DCC: variants seen among roughly 807,000 people sequenced by gnomAD.
The protein encoded by DCC is DCC netrin 1 receptor.
DCC carries 58 observed loss-of-function variants against 172.5 expected under a neutral mutation model. The ratio of observed to expected loss-of-function variants is 0.34; its 90% CI spans 0.27 to 0.42. The LOEUF (loss-of-function observed/expected upper bound fraction) is 0.42, where lower values mean the gene tolerates loss of function less well. Among genes scored for constraint, DCC ranks in the 10% least tolerant of loss-of-function variants. DCC has a pLI of 1.00. For missense variants in DCC, 1,740 were observed against 1,791.0 expected, an observed-to-expected ratio of 0.97 and a Z score of 0.51; for synonymous variants, 709 against 644.5, an observed-to-expected ratio of 1.10 and a Z score of -1.52.
chr18:52,496,676 C>T (rs765791125), intron 1 of DCC, among the ~76,000 whole-genome samples: 1 of 151,986 alleles, frequency 6.6e-6, no homozygotes, highest in African/African-American at 2.4e-5. Context: ...GGAGGGAAGA[C>T]ATGCATATGA....
intron 12 of DCC, among the ~76,000 whole-genome samples, chr18:53,230,218 A>G (rs915481447): frequency 3.9e-5 from 6 of 152,238 alleles, no homozygotes; most frequent in Admixed American, 2.6e-4. Context: ...AATTATAGAC[A>G]TTTATCCTGC....
intron 1 of DCC, among the ~76,000 whole-genome samples, chr18:52,613,728 G>T (rs1000862186): frequency 1.3e-5 from 2 of 151,968 alleles, no homozygotes; most frequent in Middle Eastern, 3.2e-3. Flanking sequence ...TCTCTCTTCC[G>T]CATAGGAACC....
chr18:52,750,828 A>G (rs1231691644), intron 1 of DCC, among the ~76,000 whole-genome samples: 2 of 152,332 alleles, frequency 1.3e-5, no homozygotes, highest in East Asian at 3.9e-4. Flanking sequence ...ATGATTTTAC[A>G]AAGTACAACG....
chr18:52,604,913 A>G (rs17681706), intron 1 of DCC, among the ~76,000 whole-genome samples: 12,113 of 152,194 alleles, frequency 0.08, 604 homozygotes, highest in South Asian at 0.17. Flanking sequence ...GGTATGCTTC[A>G]AAGTGATTAG....
chr18:52,373,640 G>A (rs2144304655), intron 1 of DCC, among the ~76,000 whole-genome samples: 1 of 152,206 alleles, frequency 6.6e-6, no homozygotes, highest in East Asian at 1.9e-4. Flanking sequence ...ACATGTGAAG[G>A]TTAGAGCTCT....
Position 52,486,363 on chromosome 18 carries a change from T to C in DCC, c.91+145485T>C, listed in dbSNP as rs370892149. 1.6e-4 allele frequency among the ~76,000 whole-genome samples: 24 copies of C among 152,198 alleles called. 2 individuals carry two copies. The East Asian group carries it at 3.3e-3, about 21-fold the overall frequency. ...GTTTACTGACCAGCCATTTGAGTAG[T>C]AGGGATAGAGTTCAGGGATATAGAT... On this transcript the variant is annotated intron_variant, in intron 1 of 28. Coordinates refer to ENST00000442544, the MANE Select transcript of DCC (RefSeq NM_005215.4).
At chr18:53,473,520 A>G (rs1223822648) in intron 25 of DCC, among the ~76,000 whole-genome samples, 1 of 152,216 alleles carries the variant, frequency 6.6e-6, no homozygotes, top group Non-Finnish European at 1.5e-5. Flanking sequence ...TTAAACAGAA[A>G]AGGAAATAAG....
chr18:52,478,517 G>T (rs539008804), intron 1 of DCC, among the ~76,000 whole-genome samples: 1 of 152,276 alleles, frequency 6.6e-6, no homozygotes, highest in South Asian at 2.1e-4. Flanking sequence ...TTCTGTCATT[G>T]CTATAAAGAA....
rs776826523 is a variant in DCC, at chr18:53,339,767, G to A, written c.2219G>A (p.Cys740Tyr). 6.2e-7 allele frequency: 1 copy of A among 1,613,918 alleles called. No homozygotes were observed. The highest frequency in any genetic ancestry group is 8.5e-7 in the Non-Finnish European group (1 of 1,179,906). Residue 740 changes from cysteine (C) to tyrosine (Y), a missense_variant, in exon 15 of 29, where the codon TGC (cysteine) becomes TAC (tyrosine). Cys to Tyr is a radical substitution (Grantham distance 194, BLOSUM62 -2). Coordinates refer to ENST00000442544, the MANE Select transcript of DCC (RefSeq NM_005215.4). ...CTTCATGTGAGGCCCCAGACTAACT[G>A]CATCATCATGAGTTGGACTCCTCCC... ...SSLHVRPQTN[C>Y]IIMSWTPPLN... is the part of the protein sequence containing the mutation.
At chr18:52,731,245 A>G (rs1489335837) in intron 1 of DCC, among the ~76,000 whole-genome samples, 4 of 152,232 alleles carry the variant, frequency 2.6e-5, no homozygotes, top group African/African-American at 9.6e-5. Flanking sequence ...CAAATGTGAG[A>G]GTATGTGTTT....
At chr18:53,303,046 T>C (rs1372193396) in intron 12 of DCC, among the ~76,000 whole-genome samples, 1 of 152,198 alleles carries the variant, frequency 6.6e-6, no homozygotes, top group African/African-American at 2.4e-5. Flanking sequence ...GGGGTCATTT[T>C]ATCATTTTTG....
chr18:52,865,229 C>T (rs1027111463), intron 2 of DCC, among the ~76,000 whole-genome samples: 19 of 152,092 alleles, frequency 1.2e-4, no homozygotes, highest in Non-Finnish European at 2.6e-4. Flanking sequence ...TTTCTTTATC[C>T]AGTCTATCAT....
chr18:52,842,779 T>C (rs567747101), intron 2 of DCC, among the ~76,000 whole-genome samples: 6 of 152,166 alleles, frequency 3.9e-5, no homozygotes, highest in Non-Finnish European at 8.8e-5. Context: ...TAATAAGTTA[T>C]TTGAACAAAA....
At chr18:53,439,365 G>A (rs142388982) in intron 22 of DCC, among the ~76,000 whole-genome samples, 27 of 152,192 alleles carry the variant, frequency 1.8e-4, no homozygotes, top group African/African-American at 6.0e-4. Flanking sequence ...TTATAAAGTG[G>A]GCTACATCAA....
chr18:52,673,116 C>T (rs2035583422), intron 1 of DCC, among the ~76,000 whole-genome samples: 2 of 152,184 alleles, frequency 1.3e-5, no homozygotes, highest in South Asian at 4.1e-4. Flanking sequence ...TATCTAGAGA[C>T]ATAATAAACT....
intron 20 of DCC, among the ~76,000 whole-genome samples, chr18:53,414,380 GT>G (rs1454222903): frequency 6.6e-6 from 1 of 152,128 alleles, no homozygotes; most frequent in Non-Finnish European, 1.5e-5. Flanking sequence ...AATAAAATGG[GT>G]GGGAGGAAAC....
At chr18:53,351,336 T>TATATATATATACTGTATATATATATACA (rs2057796884) in intron 15 of DCC, among the ~76,000 whole-genome samples, 4 of 9,130 alleles carry the variant, frequency 4.4e-4, no homozygotes, top group African/African-American at 7.0e-4. Context: ...ATATATACAG[T>TATATATATATACTGTATATATATATACA]GTATATATAT....
At chr18:52,465,645 A>G (rs78173837) in intron 1 of DCC, among the ~76,000 whole-genome samples, 9,385 of 152,142 alleles carry the variant, frequency 0.062, 361 homozygotes, top group East Asian at 0.095. Flanking sequence ...AAGTCATTCA[A>G]TTCAGTCCTA....
intron 5 of DCC, among the ~76,000 whole-genome samples, chr18:52,962,849 G>A (rs531514523): frequency 0.013 from 2,003 of 150,242 alleles, 56 homozygotes; most frequent in African/African-American, 0.047. Flanking sequence ...GCAAACTATC[G>A]CAAGGACAAA....
Sources: gnomAD v4.1 joint callset for allele counts (sites outside exome capture counted in the v4.1 genomes callset) on GRCh38, gnomAD v4.1.1 for gene constraint, MANE v1.5 for transcripts, NCBI Gene and HGNC (gene_info 2026-07-23, HGNC 2026-07-21) for gene names.